Variants in MCPH1 observed in about 807,000 individuals in gnomAD.
MCPH1 encodes the protein microcephalin 1.
A neutral mutation model predicts 84.5 loss-of-function variants in MCPH1; 104 were observed. That is an observed-to-expected ratio of 1.23 (90% CI 1.05 to 1.45). The LOEUF is 1.45. MCPH1 is among the 40% of genes most tolerant of loss of function. The pLI is 0.00. For synonymous variants in MCPH1, 514 were observed against 366.8 expected (o/e 1.40, Z -4.58); for missense variants, 1,498 against 1,005.7 (o/e 1.49, Z -6.62).
intron 12 of MCPH1, among the ~76,000 whole-genome samples, chr8:6,504,134 C>T (rs557367923): frequency 2.6e-5 from 4 of 151,962 alleles, no homozygotes; most frequent in South Asian, 4.2e-4. Flanking sequence ...CTGGCTAACA[C>T]GGTGAAACCC....
Position 6,409,274 on chromosome 8 carries a change from T to G in MCPH1, c.23-5T>G. ...GTATGTTTCATGTTCATATCTTGTT[T>G]TCAGATGTAGTGGCCTATGTTGAAG... On this transcript the variant is annotated splice_polypyrimidine_tract_variant and splice_region_variant and intron_variant, in intron 1 of 13. Transcript: ENST00000344683. 1.2e-6 allele frequency: 2 copies of G among 1,608,512 alleles called. No homozygotes were observed. The highest frequency in any genetic ancestry group is 2.2e-5 in the South Asian group (2 of 90,960).
Position 6,518,748 on chromosome 8 carries a change from A to G in MCPH1, c.2214+18819A>G, listed in dbSNP as rs189290450. On this transcript the variant is annotated intron_variant, in intron 12 of 13. Transcript: ENST00000344683. ...CTCTGTAGTTATTTGTGTTGGTTCA[A>G]TATGTAGCTGCTTTTACATTTATAT... Among the ~76,000 whole-genome samples the G allele has an allele frequency of 5.6e-4, 86 of 152,318 alleles. 1 individual carries two copies. The East Asian group carries it at 0.013, about 23-fold the overall frequency.
intron 2 of MCPH1, among the ~76,000 whole-genome samples, chr8:6,414,550 A>G (rs1798987793): frequency 6.6e-6 from 1 of 152,100 alleles, no homozygotes; most frequent in African/African-American, 2.4e-5. Flanking sequence ...GTAACACTTC[A>G]GAGGGTTTTT....
rs1017465885 is a variant in MCPH1 at position 6,460,233 on chromosome 8, C to G, written c.1935+4981C>G. Among the ~76,000 whole-genome samples the G allele has an allele frequency of 3.3e-5, 5 of 152,016 alleles. 1 individual carries two copies. The highest frequency in any genetic ancestry group is 1.2e-4 in the African/African-American group (5 of 41,388). On this transcript the variant is annotated intron_variant, in intron 9 of 13. Transcript: ENST00000344683. ...CATGATTTTCCTCTATTTCTTTCCT[C>G]TTGTATCTCCTTATTTCATTCTGGA... is the stretch of plus-strand genomic sequence containing the variant.
rs1409390336 is a variant in MCPH1, at chr8:6,539,193, G to A, written c.2214+39264G>A. On this transcript the variant is annotated intron_variant, in intron 12 of 13. Transcript: ENST00000344683. ...CTAAACCCCTCGCCAGAGCCTGGGG[G>A]GTAGGCACAGTACCCACAGTGAGAG... Among the ~76,000 whole-genome samples the A allele has an allele frequency of 2.6e-5, 4 of 152,266 alleles. No homozygotes were observed. In the South Asian group the frequency reaches 8.3e-4, roughly 32 times the overall value.
At chr8:6,419,530 C>T (rs1472940846) in intron 3 of MCPH1, among the ~76,000 whole-genome samples, 2 of 150,844 alleles carry the variant, frequency 1.3e-5, no homozygotes, top group Non-Finnish European at 2.9e-5. Flanking sequence ...GTAGCTGGGA[C>T]TACAGGCGCC....
At chr8:6,627,430 G>A (rs999638745) in intron 13 of MCPH1, 3 of 236,444 alleles carry the variant, frequency 1.3e-5, no homozygotes, top group South Asian at 1.5e-4. Context: ...CTCAGCAACC[G>A]CTCAGAAAAT....
Position 6,632,748 on chromosome 8 carries a change from G to T in MCPH1, c.2453-10246G>T, listed in dbSNP as rs559726870. The stretch of plus-strand genomic sequence containing the variant: ...CACTTAAACCTGGGAGAAAGAGGTT[G>T]CAGTGAGCCAAGAGTGCGCCATTGC... On this transcript the variant is annotated intron_variant, in intron 13 of 13. Coordinates refer to ENST00000344683, the MANE Select transcript of MCPH1 (RefSeq NM_024596.5). 3.3e-5 allele frequency among the ~76,000 whole-genome samples: 5 copies of T among 152,208 alleles called. No homozygotes were observed. In the East Asian group the frequency reaches 7.7e-4, roughly 24 times the overall value.
intron 12 of MCPH1, among the ~76,000 whole-genome samples, chr8:6,512,945 C>T (rs1271737853): frequency 1.3e-5 from 2 of 152,194 alleles, no homozygotes; most frequent in South Asian, 2.1e-4. Context: ...AGATTGAAGA[C>T]AATTGAATGT....
chr8:6,556,886 G>A (rs1023309784), intron 12 of MCPH1, among the ~76,000 whole-genome samples: 2 of 152,070 alleles, frequency 1.3e-5, no homozygotes, highest in Admixed American at 1.3e-4. Context: ...ACTGTGCCTG[G>A]CTTTAGGCAT....
intron 12 of MCPH1, among the ~76,000 whole-genome samples, chr8:6,609,027 C>T (rs111740879): frequency 6.6e-6 from 1 of 152,250 alleles, no homozygotes; most frequent in African/African-American, 2.4e-5. Flanking sequence ...GGTGGCCCTG[C>T]CCAAATTCTC....
chr8:6,467,691 G>T (rs1309865373), intron 9 of MCPH1, among the ~76,000 whole-genome samples: 1 of 152,164 alleles, frequency 6.6e-6, no homozygotes, highest in East Asian at 1.9e-4. Context: ...GATTGCCTGG[G>T]CTCAAGTGAT....
chr8:6,616,332 C>T (rs1301404388), intron 12 of MCPH1: 5 of 152,194 alleles, frequency 3.3e-5, no homozygotes, highest in Non-Finnish European at 7.3e-5. Flanking sequence ...GAACCGTCAG[C>T]CACCCATGGG....
chr8:6,514,412 C>T (rs7812805), intron 12 of MCPH1, among the ~76,000 whole-genome samples: 16 of 152,162 alleles, frequency 1.1e-4, no homozygotes, highest in African/African-American at 3.4e-4. Context: ...TGGTCTCAAA[C>T]TCCTGACCTC....
At chr8:6,580,530 C>G (rs1474875921) in intron 12 of MCPH1, among the ~76,000 whole-genome samples, 1 of 152,144 alleles carries the variant, frequency 6.6e-6, no homozygotes, top group African/African-American at 2.4e-5. Flanking sequence ...TGGCGTGTTC[C>G]TGTAATTCCA....
rs928096753 is a variant in MCPH1, at chr8:6,643,654, A to C, written c.*605A>C. 1 of 155,734 alleles carries C rather than the reference A, an allele frequency of 6.4e-6. No homozygotes were observed. Among genetic ancestry groups the C allele is most frequent in the Admixed American group, 6.2e-5 (1 of 16,092 alleles). The allele number at this position is 155,734 out of a possible 1,614,324, so 9.6% of individuals were successfully genotyped here. On this transcript the variant is annotated 3_prime_UTR_variant, in exon 14 of 14. Coordinates refer to ENST00000344683, the MANE Select transcript of MCPH1 (RefSeq NM_024596.5). ...TTGTTTTATTACTGAGAACAACTAGAGAACTCTGCAAGTTTCTTGGCTTAG... is the reference window on the plus strand; with the variant it reads ...TTGTTTTATTACTGAGAACAACTAGCGAACTCTGCAAGTTTCTTGGCTTAG...
chr8:6,429,298 C>T (rs975558274), intron 3 of MCPH1, among the ~76,000 whole-genome samples: 11 of 152,180 alleles, frequency 7.2e-5, no homozygotes, highest in Non-Finnish European at 1.0e-4. Context: ...AACATGGACC[C>T]AGTGCCCCCA....
intron 3 of MCPH1, among the ~76,000 whole-genome samples, chr8:6,418,072 T>G (rs1251232101): frequency 6.6e-6 from 1 of 152,130 alleles, no homozygotes; most frequent in African/African-American, 2.4e-5. Flanking sequence ...TGTTCAGGGG[T>G]CAGCCAGAGA....
intron 9 of MCPH1, among the ~76,000 whole-genome samples, chr8:6,461,275 T>TG (rs1294770198): frequency 2.2e-5 from 3 of 133,784 alleles, no homozygotes; most frequent in South Asian, 2.4e-4. Context: ...AAAAAGAGTC[T>TG]GTTTTTTTTT....
Sources: allele counts gnomAD v4.1 joint callset (sites outside exome capture counted in the v4.1 genomes callset), GRCh38; gene constraint gnomAD v4.1.1; transcripts MANE v1.5; gene names NCBI Gene and HGNC (gene_info 2026-07-23, HGNC 2026-07-21).